Variants in FNBP4 observed in about 807,000 individuals in gnomAD.
The protein encoded by FNBP4 is formin binding protein 4, also known as formin-binding protein 4.
FNBP4 carries 34 observed loss-of-function variants against 119.3 expected under a neutral mutation model. The observed-to-expected ratio is 0.28, with a 90% CI of 0.22 to 0.38. The LOEUF (loss-of-function observed/expected upper bound fraction) is 0.38. Ranked by LOEUF, FNBP4 falls within the 10% of genes least tolerant of loss-of-function variation. The probability of loss-of-function intolerance (pLI) is 1.00; values close to 1 mark genes in which losing one functional copy is unlikely to be tolerated. For missense variants in FNBP4, 1,112 were observed against 1,228.9 expected (o/e 0.90, Z 1.42); for synonymous variants, 462 against 430.6 (o/e 1.07, Z -0.90).
intron 9 of FNBP4, 72 bp from the exon 10 acceptor site, chr11:47,734,201 TTATTCTTA>T: frequency 1.2e-6 from 1 of 820,046 alleles, no homozygotes; most frequent in Non-Finnish European, 1.9e-6. Flanking sequence ...AATCCTTCAT[TTATTCTTA>T]TAGATATTAG....
At position 47,717,239 on chromosome 11, in the gene FNBP4, T is replaced by C. The variant is rs2097550927; in HGVS notation, c.*183A>G. 3 of 563,474 alleles carry C rather than the reference T, an allele frequency of 5.3e-6. No homozygotes were observed. The highest frequency in any genetic ancestry group is 9.4e-6 in the Non-Finnish European group (3 of 319,928). The allele number at this position is 563,474 out of a possible 1,614,324, so 34.9% of individuals were successfully genotyped here. A position where few individuals can be genotyped will look rare whatever the true frequency, so the allele number is the denominator to read the frequency against. On this transcript the variant is annotated 3_prime_UTR_variant, in exon 17 of 17. Transcript: ENST00000263773. ...AAAGCAATTCCAATCACCTCATCCC[T>C]TTGCAAAAACAGAAAAATTACATTT...
chr11:47,740,325 CT>C lies in FNBP4; in HGVS notation c.1457-3586del, dbSNP rs1159936352. Among the ~76,000 whole-genome samples the C allele has an allele frequency of 8.7e-3, 1,307 of 149,674 alleles. 13 individuals are homozygous for C. Among genetic ancestry groups the C allele is most frequent in the African/African-American group, 0.025 (988 of 39,814 alleles). On this transcript the variant is annotated intron_variant, in intron 8 of 16. Transcript: ENST00000263773. ...AGCTACTCGGGAGGCTGAGATAGAA[CT>C]GCTTGTACCCGGGAGGTGGAAGTTG...
intron 12 of FNBP4, among the ~76,000 whole-genome samples, chr11:47,728,445 A>C (rs909545920): frequency 2.0e-5 from 3 of 151,846 alleles, no homozygotes; most frequent in African/African-American, 7.3e-5. Flanking sequence ...AGACAGGGTG[A>C]TACCATGTTG....
intron 8 of FNBP4, among the ~76,000 whole-genome samples, chr11:47,742,155 G>A (rs2097582948): frequency 6.6e-6 from 1 of 152,000 alleles, no homozygotes. Context: ...AAAGAACATG[G>A]TCTGGAAGGA....
At chr11:47,758,122 TC>T (rs2097623947) in intron 2 of FNBP4, among the ~76,000 whole-genome samples, 1 of 152,200 alleles carries the variant, frequency 6.6e-6, no homozygotes, top group Non-Finnish European at 1.5e-5. Context: ...AGGGTCTCAC[TC>T]TGGCACAAGT....
In FNBP4 at chr11:47,746,049, A is replaced by T; in HGVS notation, c.1245+7T>A. ...AAACATTCTACAAGTAACTTTCAAA[A>T]GCTTACTTTTTTCCTTTCCAAAACT... On this transcript the variant is annotated splice_region_variant and intron_variant, in intron 7 of 16. Coordinates refer to ENST00000263773, the MANE Select transcript of FNBP4 (RefSeq NM_015308.5). The T allele has an allele frequency of 1.3e-6, 2 of 1,586,220 alleles. No homozygotes were observed. The highest frequency in any genetic ancestry group is 1.7e-6 in the Non-Finnish European group (2 of 1,170,594).
At position 47,765,428 on chromosome 11, in the gene FNBP4, G is replaced by T. The variant is rs928097306; in HGVS notation, c.221-66C>A. Reference sequence around the variant, plus strand: ...AGAAAAGAAAAGAAAACTGCAGTCAGATTCCAGACCAGAGAAAACACTAGA... The same window carrying T: ...AGAAAAGAAAAGAAAACTGCAGTCATATTCCAGACCAGAGAAAACACTAGA... On this transcript the variant is annotated intron_variant, in intron 1 of 16. Coordinates refer to ENST00000263773, the MANE Select transcript of FNBP4 (RefSeq NM_015308.5). The T allele has an allele frequency of 1.6e-4, 134 of 814,860 alleles. 1 individual carries two copies. The Admixed American group carries it at 2.1e-3, about 13-fold the overall frequency. 50.5% of individuals were successfully genotyped at this position (814,860 alleles called of 1,614,324 possible).
At chr11:47,743,478 C>T (rs757247017) in intron 8 of FNBP4, among the ~76,000 whole-genome samples, 1 of 151,688 alleles carries the variant, frequency 6.6e-6, no homozygotes, top group South Asian at 2.1e-4. Context: ...GTGAGACCTC[C>T]GTCTCAAAAA....
At chr11:47,748,656 A>G (rs2097595678) in intron 6 of FNBP4, among the ~76,000 whole-genome samples, 1 of 151,632 alleles carries the variant, frequency 6.6e-6, no homozygotes, top group African/African-American at 2.4e-5. Flanking sequence ...TATTATTATT[A>G]AATTTTTTTT....
chr11:47,757,070 A>G (rs1348361649), intron 2 of FNBP4, among the ~76,000 whole-genome samples: 1 of 152,188 alleles, frequency 6.6e-6, no homozygotes, highest in Admixed American at 6.5e-5. Flanking sequence ...CAGTAATGGG[A>G]TCGCTGGGTC....
Position 47,751,181 on chromosome 11 carries a change from A to C in FNBP4, c.747T>G (p.Leu249=). The C allele has an allele frequency of 6.2e-7, 1 of 1,614,136 alleles. No homozygotes were observed. The highest frequency in any genetic ancestry group is 8.5e-7 in the Non-Finnish European group (1 of 1,180,024). ...NEVTWELPQY[L]ATQVQGLQHY... is the part of the protein sequence containing the mutation. ...GCTGTAATCCCTGTACCTGTGTGGC[A>C]AGATATTGGGGTAACTCCCAAGTCA... The change falls in exon 5 of 17, where the codon CTT becomes CTG. Residue 249 remains leucine, a synonymous_variant. Coordinates refer to ENST00000263773, the MANE Select transcript of FNBP4 (RefSeq NM_015308.5).
chr11:47,731,584 CAT>C (rs1225734624), intron 11 of FNBP4, 23 bp from the exon 12 acceptor site: 10 of 1,589,658 alleles, frequency 6.3e-6, no homozygotes, highest in Admixed American at 3.7e-5. Context: ...AAAGAAAACA[CAT>C]GTTTTAAAAC....
At chr11:47,754,751 T>A in intron 2 of FNBP4, 87 bp from the exon 3 acceptor site, 1 of 1,461,842 alleles carries the variant, frequency 6.8e-7, no homozygotes, top group Non-Finnish European at 9.3e-7. Flanking sequence ...ACATGTTTTT[T>A]TTAAACTTAC....
rs965320785 is a variant in FNBP4 at position 47,767,318 on chromosome 11, G to A, written c.-30C>T. The A allele has an allele frequency of 6.2e-6, 9 of 1,453,232 alleles. No individual in the cohort carries two copies. The highest frequency in any genetic ancestry group is 8.1e-6 in the Non-Finnish European group (9 of 1,109,386). The allele number at this position is 1,453,232 out of a possible 1,614,324, so 90.0% of individuals were successfully genotyped here. A position where few individuals can be genotyped will look rare whatever the true frequency, so the allele number is the denominator to read the frequency against. ...AGCCCAAGCGCGAGCAGAGAGCGTC[G>A]GGCGGCCGAGAGGGGCGGGCACTGG... On this transcript the variant is annotated 5_prime_UTR_variant, in exon 1 of 17. Coordinates refer to ENST00000263773, the MANE Select transcript of FNBP4 (RefSeq NM_015308.5).
intron 9 of FNBP4, among the ~76,000 whole-genome samples, chr11:47,734,978 AC>A (rs1554979768): frequency 0.017 from 982 of 57,252 alleles, 26 homozygotes; most frequent in African/African-American, 0.041. Context: ...TCACCCCAAC[AC>A]CCCCCCCCCC....
chr11:47,741,500 T>C (rs1185864569), intron 8 of FNBP4, among the ~76,000 whole-genome samples: 2 of 151,760 alleles, frequency 1.3e-5, no homozygotes, highest in African/African-American at 4.9e-5. Context: ...ACTTTGTCAC[T>C]GCTGCTTAGT....
chr11:47,760,226 GA>G (rs1446232712), intron 2 of FNBP4, among the ~76,000 whole-genome samples: 2 of 148,366 alleles, frequency 1.3e-5, no homozygotes, highest in African/African-American at 4.9e-5. Context: ...GTGTTTGTGA[GA>G]AATTCAGAGA....
intron 12 of FNBP4, chr11:47,730,153 T>C (rs1299200812): frequency 1.0e-6 from 1 of 985,206 alleles, no homozygotes; most frequent in African/African-American, 1.7e-5. Context: ...GAGCCACCTA[T>C]CCAGAACTAC....
In FNBP4 at chr11:47,752,887, T is replaced by C. The variant is rs745931009; in HGVS notation, c.637+29A>G. The C allele has an allele frequency of 1.8e-5, 28 of 1,577,548 alleles. 1 individual carries two copies. In the African/African-American group the frequency reaches 3.1e-4, roughly 18 times the overall value. ...TAGAATCCCTTTAAGGATTTTACTT[T>C]TCTTTAAAAATCAAAGGATCAAGTT... On this transcript the variant is annotated intron_variant, in intron 4 of 16. Coordinates refer to ENST00000263773, the MANE Select transcript of FNBP4 (RefSeq NM_015308.5).
Sources: allele counts gnomAD v4.1 joint callset (sites outside exome capture counted in the v4.1 genomes callset), GRCh38; gene constraint gnomAD v4.1.1; transcripts MANE v1.5; gene names NCBI Gene and HGNC (gene_info 2026-07-23, HGNC 2026-07-21).